Variants in SETBP1 observed in about 807,000 individuals in gnomAD.
The protein encoded by SETBP1 is SET binding protein 1.
Under a neutral mutation model 101.0 loss-of-function variants are expected in SETBP1, and 9 were observed. The observed-to-expected ratio is 0.09, with a 90% CI of 0.05 to 0.16. The LOEUF is 0.16. SETBP1 is among the 10% of genes least tolerant of loss of function. The pLI is 1.00. For missense variants in SETBP1, 1,858 were observed against 2,033.8 expected (o/e 0.91, Z 1.66); for synonymous variants, 818 against 788.5 (o/e 1.04, Z -0.63).
chr18:44,875,810 T>TC (rs1162884268), intron 3 of SETBP1, among the ~76,000 whole-genome samples: 1 of 152,178 alleles, frequency 6.6e-6, no homozygotes, highest in Non-Finnish European at 1.5e-5. Flanking sequence ...GAAGTTAAGG[T>TC]CACCAAGCCC....
intron 2 of SETBP1, among the ~76,000 whole-genome samples, chr18:44,706,210 T>G (rs2069214286): frequency 6.6e-6 from 1 of 152,140 alleles, no homozygotes; most frequent in Non-Finnish European, 1.5e-5. Flanking sequence ...GGTAAGTGAC[T>G]TAATAACTTA....
chr18:44,949,947 G>C lies in SETBP1; in HGVS notation c.607G>C (p.Gly203Arg). The C allele has an allele frequency of 2.5e-6, 4 of 1,613,944 alleles. No individual in the cohort carries two copies. Among genetic ancestry groups the C allele is most frequent in the Non-Finnish European group, 3.4e-6 (4 of 1,180,008 alleles). Residue 203 changes from glycine (G) to arginine (R), a missense_variant, in exon 4 of 6, where the codon GGT (glycine) becomes CGT (arginine). Coordinates refer to ENST00000649279, the MANE Select transcript of SETBP1 (RefSeq NM_015559.3). The part of the protein sequence containing the change: ...YDTGLPQDFT[G>R]DTLKPKHQQK... ...CACGGGCCTCCCACAGGACTTCACC[G>C]GTGACACCTTAAAACCAAAGCACCA...
chr18:45,044,142 T>A (rs1459415996), intron 5 of SETBP1, among the ~76,000 whole-genome samples: 1 of 152,120 alleles, frequency 6.6e-6, no homozygotes, highest in Non-Finnish European at 1.5e-5. Flanking sequence ...ATAGAAGAAA[T>A]AAAGGTGCAA....
chr18:44,765,604 A>G (rs1396801876), intron 2 of SETBP1, among the ~76,000 whole-genome samples: 1 of 152,202 alleles, frequency 6.6e-6, no homozygotes, highest in Non-Finnish European at 1.5e-5. Flanking sequence ...CACAGATCAA[A>G]TTAATCATTA....
At chr18:45,050,957 C>A (rs1027055734) in intron 5 of SETBP1, among the ~76,000 whole-genome samples, 5 of 152,182 alleles carry the variant, frequency 3.3e-5, no homozygotes, top group African/African-American at 1.2e-4. Context: ...TACCTAGTCA[C>A]AATCCTGGTC....
intron 4 of SETBP1, among the ~76,000 whole-genome samples, chr18:45,026,514 A>G (rs1291282306): frequency 6.6e-6 from 1 of 152,218 alleles, no homozygotes; most frequent in African/African-American, 2.4e-5. Flanking sequence ...CAATATGTTC[A>G]GCAATAGCCT....
intron 1 of SETBP1, among the ~76,000 whole-genome samples, chr18:44,690,941 C>T (rs1327997884): frequency 1.3e-5 from 2 of 152,088 alleles, no homozygotes; most frequent in Non-Finnish European, 2.9e-5. Context: ...TTGTGCTACA[C>T]ATATTATTTA....
At chr18:44,894,296 G>T (rs1041402441) in intron 3 of SETBP1, among the ~76,000 whole-genome samples, 3 of 152,084 alleles carry the variant, frequency 2.0e-5, no homozygotes, top group Non-Finnish European at 4.4e-5. Context: ...TGCAGGAAGC[G>T]ATTGTAAATA....
Position 44,888,753 on chromosome 18 carries a change from G to A in SETBP1, c.540+19470G>A, listed in dbSNP as rs1389859480. 2.0e-5 allele frequency among the ~76,000 whole-genome samples: 3 copies of A among 152,058 alleles called. No individual in the cohort carries two copies. The East Asian group carries it at 5.8e-4, about 29-fold the overall frequency. ...TTTAGAGAATGGGAACTGATTGCTA[G>A]TAAATTGGAGGTGCAAGAAAAAGTG... is the stretch of plus-strand genomic sequence containing the variant. On this transcript the variant is annotated intron_variant, in intron 3 of 5. Transcript: ENST00000649279.
At position 44,848,344 on chromosome 18, in the gene SETBP1, G is replaced by A. The variant is rs531985048; in HGVS notation, c.487-20886G>A. ...ACTAGAGAGTTATGGGGGAGGGGGC[G>A]AAATGAGCAGATTAGCACACCTGGG... On this transcript the variant is annotated intron_variant, in intron 2 of 5. Transcript: ENST00000649279. Among the ~76,000 whole-genome samples the A allele has an allele frequency of 3.7e-4, 57 of 152,254 alleles. 1 individual carries two copies. The South Asian group carries it at 6.2e-3, about 17-fold the overall frequency.
intron 2 of SETBP1, among the ~76,000 whole-genome samples, chr18:44,766,206 T>A (rs781771522): frequency 8.5e-5 from 13 of 152,210 alleles, no homozygotes; most frequent in South Asian, 2.1e-4. Context: ...ATACAGGACA[T>A]ATGGAAAATA....
chr18:45,007,870 G>C lies in SETBP1; in HGVS notation c.4001-30615G>C, dbSNP rs547753270. 2.0e-5 allele frequency among the ~76,000 whole-genome samples: 3 copies of C among 152,288 alleles called. No homozygotes were observed. In the South Asian group the frequency reaches 6.2e-4, roughly 32 times the overall value. ...CAGGGCTGACCCACCTCAGGTCAGA[G>C]TGGATCTATCCATCCAGAGCCCAGA... On this transcript the variant is annotated intron_variant, in intron 4 of 5. Transcript: ENST00000649279.
intron 2 of SETBP1, among the ~76,000 whole-genome samples, chr18:44,767,145 G>A (rs1334076842): frequency 6.6e-6 from 1 of 152,222 alleles, no homozygotes; most frequent in Non-Finnish European, 1.5e-5. Context: ...GGCTGTCCAA[G>A]AGGAATGAGC....
At chr18:44,823,946 A>G (rs1365718853) in intron 2 of SETBP1, among the ~76,000 whole-genome samples, 3 of 152,216 alleles carry the variant, frequency 2.0e-5, no homozygotes, top group Admixed American at 1.3e-4. Flanking sequence ...ATGTATGAGC[A>G]CTTTGGCTTC....
intron 2 of SETBP1, among the ~76,000 whole-genome samples, chr18:44,706,938 T>A (rs191221702): frequency 4.6e-5 from 7 of 152,348 alleles, no homozygotes; most frequent in Admixed American, 4.6e-4. Context: ...AGAAAATGGA[T>A]AATTTACAGA....
intron 2 of SETBP1, among the ~76,000 whole-genome samples, chr18:44,863,963 T>A (rs2069073296): frequency 1.3e-5 from 2 of 152,152 alleles, no homozygotes; most frequent in African/African-American, 4.8e-5. Flanking sequence ...TTTGTGTCAG[T>A]GTCCCCCTTC....
At position 44,691,430 on chromosome 18, in the gene SETBP1, C is replaced by T. The variant is rs896504575; in HGVS notation, c.-172-9745C>T. The stretch of plus-strand genomic sequence containing the variant: ...CACAGAGGAACACAGGCACAAGTAA[C>T]GCATCAAAGCCACAGCTCAACCTGC... On this transcript the variant is annotated intron_variant, in intron 1 of 5. Coordinates refer to ENST00000649279, the MANE Select transcript of SETBP1 (RefSeq NM_015559.3). Among the ~76,000 whole-genome samples, 9 of 141,756 alleles carry T rather than the reference C, an allele frequency of 6.3e-5. No homozygotes were observed. In the South Asian group the frequency reaches 1.3e-3, roughly 20 times the overall value. The allele number at this position is 141,756 out of a possible 152,430, so 93.0% of individuals were successfully genotyped here. A position where few individuals can be genotyped will look rare whatever the true frequency, so the allele number is the denominator to read the frequency against.
At chr18:44,874,932 T>A (rs949131838) in intron 3 of SETBP1, among the ~76,000 whole-genome samples, 7 of 152,096 alleles carry the variant, frequency 4.6e-5, no homozygotes, top group African/African-American at 1.7e-4. Context: ...TGTGCTTATC[T>A]CCCAACAGAA....
intron 2 of SETBP1, among the ~76,000 whole-genome samples, chr18:44,702,948 A>G (rs187929690): frequency 1.5e-3 from 234 of 152,336 alleles, no homozygotes; most frequent in Non-Finnish European, 2.7e-3. Flanking sequence ...GGATGTGCAA[A>G]GTAGCTAGAC....
Sources: allele counts gnomAD v4.1 joint callset (sites outside exome capture counted in the v4.1 genomes callset), GRCh38; gene constraint gnomAD v4.1.1; transcripts MANE v1.5; gene names NCBI Gene and HGNC (gene_info 2026-07-23, HGNC 2026-07-21).